Variants in CAST observed in about 807,000 individuals in gnomAD.
CAST encodes calpastatin, also known as MIR583 host.
CAST carries 76 observed loss-of-function variants against 119.6 expected under a neutral mutation model. The ratio of observed to expected loss-of-function variants is 0.64; its 90% CI spans 0.53 to 0.77. The LOEUF (loss-of-function observed/expected upper bound fraction) is 0.77, where lower values mean the gene tolerates loss of function less well. Ranked by LOEUF, CAST falls within the 30% of genes least tolerant of loss-of-function variation. The pLI is 0.00. For synonymous variants in CAST, 319 were observed against 331.6 expected (o/e 0.96, Z 0.41); for missense variants, 953 against 946.5 (o/e 1.01, Z -0.09).
the CAST span, among the ~76,000 whole-genome samples, chr5:95,999,962 G>A: frequency 6.6e-6 from 1 of 152,086 alleles, no homozygotes; most frequent in African/African-American, 2.4e-5. Context: ...ATTTGAAGTG[G>A]TATCTCATTT....
the CAST span, among the ~76,000 whole-genome samples, chr5:96,513,648 G>A: frequency 6.6e-6 from 1 of 152,164 alleles, no homozygotes; most frequent in Admixed American, 6.5e-5. Flanking sequence ...TAGTTACTCG[G>A]CTCCACCCTC....
At chr5:96,437,605 C>A in the CAST span, among the ~76,000 whole-genome samples, 2 of 152,140 alleles carry the variant, frequency 1.3e-5, no homozygotes, top group Non-Finnish European at 2.9e-5. Context: ...TATTATACAG[C>A]TCCTTGCTTC....
At chr5:96,726,133 C>T (rs753493356) in intron 4 of CAST, among the ~76,000 whole-genome samples, 1 of 152,158 alleles carries the variant, frequency 6.6e-6, no homozygotes, top group African/African-American at 2.4e-5. Context: ...CAGGAAGCAT[C>T]GGACCCTAGT....
At chr5:96,271,325 G>C in the CAST span, among the ~76,000 whole-genome samples, 2 of 152,090 alleles carry the variant, frequency 1.3e-5, no homozygotes, top group Non-Finnish European at 2.9e-5. Context: ...AAAGCTGTAG[G>C]CATCACACTA....
chr5:96,685,476 A>G (rs1327336760), intron 2 of CAST, among the ~76,000 whole-genome samples: 1 of 152,246 alleles, frequency 6.6e-6, no homozygotes, highest in Non-Finnish European at 1.5e-5. Context: ...CGTAATGTCA[A>G]TATTATTTTT....
chr5:96,694,835 A>G (rs1373934751), intron 2 of CAST, among the ~76,000 whole-genome samples: 1 of 152,252 alleles, frequency 6.6e-6, no homozygotes, highest in Admixed American at 6.5e-5. Flanking sequence ...AAGCCCAAGA[A>G]GGATTTTTTA....
the CAST span, among the ~76,000 whole-genome samples, chr5:96,499,029 G>C: frequency 9.1e-6 from 1 of 109,758 alleles, no homozygotes; most frequent in Non-Finnish European, 2.0e-5. Context: ...CATTGTGCAG[G>C]AAAAAAAAAA....
chr5:96,494,969 T>A, the CAST span, among the ~76,000 whole-genome samples: 1 of 151,586 alleles, frequency 6.6e-6, no homozygotes, highest in Non-Finnish European at 1.5e-5. Flanking sequence ...TACAAAAAAA[T>A]TAGCCAGGTG....
chr5:96,368,595 T>C, the CAST span, among the ~76,000 whole-genome samples: 6 of 152,030 alleles, frequency 3.9e-5, no homozygotes, highest in Non-Finnish European at 8.8e-5. Flanking sequence ...TGGAGCCTTC[T>C]GATTCGCTCC....
chr5:96,654,060 T>C (rs1748126766), intron 1 of CAST, among the ~76,000 whole-genome samples: 1 of 149,966 alleles, frequency 6.7e-6, no homozygotes, highest in South Asian at 2.1e-4. Context: ...AGTCTCACTC[T>C]GTTGCCCAGC....
chr5:96,496,172 T>G, the CAST span, among the ~76,000 whole-genome samples: 2 of 152,206 alleles, frequency 1.3e-5, no homozygotes, highest in Non-Finnish European at 2.9e-5. Context: ...TGTCATTTTA[T>G]TTTAGTCTTT....
chr5:96,623,116 G>A (rs1747652958), intron 1 of CAST, among the ~76,000 whole-genome samples: 1 of 151,986 alleles, frequency 6.6e-6, no homozygotes, highest in Admixed American at 6.5e-5. Flanking sequence ...TGTCCTCCTT[G>A]GCCTCCCAAA....
the CAST span, among the ~76,000 whole-genome samples, chr5:96,203,871 G>C: frequency 6.6e-6 from 1 of 151,936 alleles, no homozygotes; most frequent in African/African-American, 2.4e-5. Context: ...TAAAAAGTTG[G>C]TACTAAACTT....
the CAST span, among the ~76,000 whole-genome samples, chr5:96,074,934 A>G: frequency 6.6e-6 from 1 of 152,230 alleles, no homozygotes; most frequent in Admixed American, 6.5e-5. Flanking sequence ...TGAATAAACC[A>G]GTGGAAACTT....
the CAST span, among the ~76,000 whole-genome samples, chr5:96,507,951 T>C: frequency 0.59 from 89,695 of 151,084 alleles, 26,898 homozygotes; most frequent in Middle Eastern, 0.66. Context: ...TCTCTTTGAA[T>C]AACATTGGAT....
At chr5:96,363,455 T>A in the CAST span, among the ~76,000 whole-genome samples, 1 of 152,198 alleles carries the variant, frequency 6.6e-6, no homozygotes, top group Non-Finnish European at 1.5e-5. Flanking sequence ...TATTGATTCT[T>A]CCTACCCATG....
the CAST span, among the ~76,000 whole-genome samples, chr5:96,277,737 CA>C: frequency 6.6e-6 from 1 of 150,750 alleles, no homozygotes; most frequent in Admixed American, 6.6e-5. Flanking sequence ...TACAAAACAT[CA>C]TCATTAAGTA....
At chr5:96,732,860 C>G (rs1216367198) in intron 9 of CAST, among the ~76,000 whole-genome samples, 1 of 152,028 alleles carries the variant, frequency 6.6e-6, no homozygotes, top group African/African-American at 2.4e-5. Context: ...AGCATGTAAT[C>G]AATTTGAAGC....
chr5:96,672,310 G>A lies in CAST; in HGVS notation c.76-3229G>A, dbSNP rs190988428. Among the ~76,000 whole-genome samples, 323 of 152,176 alleles carry A rather than the reference G, an allele frequency of 2.1e-3. 1 individual carries two copies. Among genetic ancestry groups the A allele is most frequent in the Middle Eastern group, 6.8e-3 (2 of 294 alleles). The stretch of plus-strand genomic sequence containing the variant: ...AAATAGGGCAAAATATGGCAACAAT[G>A]TTAATAGTTGTTGAAATCTGAGCGG... On this transcript the variant is annotated intron_variant, in intron 1 of 31. Transcript: ENST00000675179.
Sources: gnomAD v4.1 joint callset for allele counts (sites outside exome capture counted in the v4.1 genomes callset) on GRCh38, gnomAD v4.1.1 for gene constraint, MANE v1.5 for transcripts, NCBI Gene and HGNC (gene_info 2026-07-23, HGNC 2026-07-21) for gene names.